PEX5L: variants seen among roughly 807,000 people sequenced by gnomAD.
PEX5L encodes peroxisomal biogenesis factor 5 like.
In PEX5L, 30 loss-of-function variants were observed where a neutral mutation model predicts 84.0. That is an observed-to-expected ratio of 0.36 (90% CI 0.27 to 0.48). The LOEUF is 0.48. PEX5L is among the 20% of genes least tolerant of loss of function. The pLI is 0.99. For synonymous variants in PEX5L, 270 were observed against 283.1 expected, an observed-to-expected ratio of 0.95 and a Z score of 0.46; for missense variants, 533 against 754.6, an observed-to-expected ratio of 0.71 and a Z score of 3.44.
chr3:179,864,751 C>T (rs1236216121), intron 7 of PEX5L, among the ~76,000 whole-genome samples: 1 of 151,916 alleles, frequency 6.6e-6, no homozygotes, highest in Non-Finnish European at 1.5e-5. Context: ...AGCCATTTTA[C>T]AAAGTATATA....
chr3:179,995,841 A>G (rs1362960914), intron 1 of PEX5L, among the ~76,000 whole-genome samples: 1 of 152,204 alleles, frequency 6.6e-6, no homozygotes, highest in Non-Finnish European at 1.5e-5. Context: ...TCTACTGTTA[A>G]AGTGAGCGCA....
chr3:180,014,343 G>A (rs1789746030), intron 1 of PEX5L, among the ~76,000 whole-genome samples: 1 of 152,106 alleles, frequency 6.6e-6, no homozygotes, highest in Non-Finnish European at 1.5e-5. Flanking sequence ...GTGGTGGCGG[G>A]CGCCTGGAGT....
intron 1 of PEX5L, among the ~76,000 whole-genome samples, chr3:180,016,778 T>C (rs1210342030): frequency 2.6e-5 from 4 of 152,252 alleles, no homozygotes; most frequent in African/African-American, 7.2e-5. Context: ...ATGTTCCTAC[T>C]TATTAATTTA....
intron 8 of PEX5L, among the ~76,000 whole-genome samples, chr3:179,824,670 C>T (rs1211799207): frequency 3.0e-5 from 4 of 134,452 alleles, no homozygotes; most frequent in African/African-American, 1.1e-4. Flanking sequence ...CGTGCCATTG[C>T]ACTCTAGCCT....
chr3:180,030,843 T>A (rs1791388655), intron 1 of PEX5L, among the ~76,000 whole-genome samples: 1 of 152,138 alleles, frequency 6.6e-6, no homozygotes, highest in South Asian at 2.1e-4. Flanking sequence ...TTTGGGGAGT[T>A]GTGCATGCAC....
At chr3:180,019,050 G>T (rs1188047157) in intron 1 of PEX5L, among the ~76,000 whole-genome samples, 1 of 152,154 alleles carries the variant, frequency 6.6e-6, no homozygotes, top group East Asian at 1.9e-4. Flanking sequence ...CCGTGTATTG[G>T]TGTCTATTTT....
chr3:179,819,262 G>A (rs1407120526), intron 9 of PEX5L, among the ~76,000 whole-genome samples: 1 of 152,072 alleles, frequency 6.6e-6, no homozygotes, highest in Non-Finnish European at 1.5e-5. Flanking sequence ...AAATCCTAGA[G>A]CAACTGGGAC....
chr3:179,982,491 T>C (rs2110336198), intron 1 of PEX5L, among the ~76,000 whole-genome samples: 1 of 152,254 alleles, frequency 6.6e-6, no homozygotes, highest in South Asian at 2.1e-4. Context: ...GTGCTTCAAT[T>C]AGGGAAATTG....
intron 2 of PEX5L, among the ~76,000 whole-genome samples, chr3:179,943,401 C>A (rs2109835703): frequency 6.6e-6 from 1 of 152,326 alleles, no homozygotes; most frequent in Admixed American, 6.5e-5. Flanking sequence ...AAAATGAAAT[C>A]ATCTAATGAA....
chr3:179,984,309 G>A (rs139127537), intron 1 of PEX5L, among the ~76,000 whole-genome samples: 36 of 152,122 alleles, frequency 2.4e-4, no homozygotes, highest in African/African-American at 7.9e-4. Flanking sequence ...TTTTATTAAA[G>A]AGATTTGCAA....
At chr3:180,012,811 G>A (rs1429945539) in intron 1 of PEX5L, among the ~76,000 whole-genome samples, 3 of 151,682 alleles carry the variant, frequency 2.0e-5, no homozygotes, top group African/African-American at 4.8e-5. Flanking sequence ...TTAGGTTGTC[G>A]ACCTAATAGT....
chr3:179,927,580 T>C (rs1771828275), intron 2 of PEX5L, among the ~76,000 whole-genome samples: 1 of 152,236 alleles, frequency 6.6e-6, no homozygotes, highest in African/African-American at 2.4e-5. Context: ...CACAAAGTAA[T>C]TTTATGTTTG....
intron 1 of PEX5L, among the ~76,000 whole-genome samples, chr3:180,025,140 GATTTC>G (rs1025138268): frequency 1.3e-5 from 2 of 152,164 alleles, no homozygotes; most frequent in African/African-American, 2.4e-5. Context: ...CCCTGTAATT[GATTTC>G]ATTTCAAGTG....
At chr3:179,848,379 C>T (rs946953634) in intron 8 of PEX5L, among the ~76,000 whole-genome samples, 3 of 151,586 alleles carry the variant, frequency 2.0e-5, no homozygotes, top group Non-Finnish European at 4.4e-5. Flanking sequence ...GGCAACATTC[C>T]GTCTCTACAA....
chr3:179,900,669 C>T, intron 2 of PEX5L: 2 of 1,533,504 alleles, frequency 1.3e-6, no homozygotes, highest in Non-Finnish European at 1.7e-6. Context: ...AAAAAACCCA[C>T]CAAAGCCAGG....
intron 2 of PEX5L, among the ~76,000 whole-genome samples, chr3:179,928,996 ATTC>A (rs1373660084): frequency 1.3e-5 from 2 of 152,156 alleles, no homozygotes; most frequent in East Asian, 1.9e-4. Context: ...CTGTAATTCT[ATTC>A]TTCTTTTCTA....
chr3:179,970,936 A>C (rs778861685), intron 2 of PEX5L, among the ~76,000 whole-genome samples: 1 of 152,136 alleles, frequency 6.6e-6, no homozygotes, highest in Non-Finnish European at 1.5e-5. Context: ...AAGGGCTAGT[A>C]CCAATTCAGT....
rs991897183 is a variant in PEX5L, at chr3:179,898,192, G to C, written c.148C>G (p.Pro50Ala). 12 of 1,613,364 alleles carry C rather than the reference G, an allele frequency of 7.4e-6. No individual in the cohort carries two copies. Among genetic ancestry groups the C allele is most frequent in the Non-Finnish European group, 1.0e-5 (12 of 1,179,594 alleles). The change falls in exon 3 of 15, where the codon CCG becomes GCG. Residue 50 changes from proline to alanine, a missense_variant. Around this residue, in one of 8 missense-constraint regions of PEX5L, gnomAD observed 259 missense variants for 301.7 expected, o/e 0.86. Transcript: ENST00000467460. ...TTTTCTTCAGCAGACTCCTCCCTCG[G>C]TATCTCCTTCATCACCATGGCAACA... ...KAVAMVMKEI[P>A]REESAEEKPL...
chr3:179,825,446 A>C (rs1336544427), intron 8 of PEX5L, among the ~76,000 whole-genome samples: 1 of 152,154 alleles, frequency 6.6e-6, no homozygotes, highest in African/African-American at 2.4e-5. Flanking sequence ...AACAACTGTG[A>C]GTGTCTCTGG....
Sources: allele counts gnomAD v4.1 joint callset (sites outside exome capture counted in the v4.1 genomes callset), GRCh38; gene constraint gnomAD v4.1.1; regional missense constraint gnomAD v4.1.1; transcripts MANE v1.5; gene names NCBI Gene and HGNC (gene_info 2026-07-23, HGNC 2026-07-21).